KCNIP4: variants seen among roughly 807,000 people sequenced by gnomAD.
KCNIP4 encodes the protein potassium voltage-gated channel interacting protein 4.
In KCNIP4, 12 loss-of-function variants were observed where a neutral mutation model predicts 34.0. That is an observed-to-expected ratio of 0.35 (90% CI 0.23 to 0.57). KCNIP4 has a LOEUF of 0.57. Ranked by LOEUF, KCNIP4 falls within the 20% of genes least tolerant of loss-of-function variation. The pLI is 0.83. For missense variants in KCNIP4, 238 were observed against 311.7 expected (o/e 0.76, Z 1.78); for synonymous variants, 124 against 102.2 (o/e 1.21, Z -1.29).
rs543106633 is a variant in KCNIP4, at chr4:21,187,863, C to T, written c.62-305154G>A. On this transcript the variant is annotated intron_variant, in intron 1 of 8. Coordinates refer to ENST00000382152, the MANE Select transcript of KCNIP4 (RefSeq NM_025221.6). ...CAGGCTGGCTCGAAATTAGCATAGGCTCTGTAGCCCAACGGCCCCAGGGCT... is the reference window on the plus strand; with the variant it reads ...CAGGCTGGCTCGAAATTAGCATAGGTTCTGTAGCCCAACGGCCCCAGGGCT... 2.0e-5 allele frequency among the ~76,000 whole-genome samples: 3 copies of T among 152,320 alleles called. No individual in the cohort carries two copies. The South Asian group carries it at 6.2e-4, about 32-fold the overall frequency.
At chr4:20,975,038 TACG>T (rs956448152) in intron 1 of KCNIP4, among the ~76,000 whole-genome samples, 1 of 152,206 alleles carries the variant, frequency 6.6e-6, no homozygotes, top group African/African-American at 2.4e-5. Context: ...ATGAGGTAGC[TACG>T]ACTAGTACTC....
chr4:21,599,454 T>C (rs1408585306), intron 1 of KCNIP4, among the ~76,000 whole-genome samples: 1 of 102,744 alleles, frequency 9.7e-6, no homozygotes. Context: ...GTAACAAAAA[T>C]AAGAAAGAAA....
At chr4:20,997,717 G>A (rs1036257922) in intron 1 of KCNIP4, among the ~76,000 whole-genome samples, 2 of 152,112 alleles carry the variant, frequency 1.3e-5, no homozygotes, top group African/African-American at 4.8e-5. Context: ...AAACATCAAC[G>A]AGGAAGATTC....
intron 1 of KCNIP4, among the ~76,000 whole-genome samples, chr4:21,439,085 C>T (rs1727214069): frequency 6.6e-6 from 1 of 150,640 alleles, no homozygotes; most frequent in Non-Finnish European, 1.5e-5. Context: ...TGGCGTGAAC[C>T]TGGGAGGCGG....
Position 21,671,139 on chromosome 4 carries a change from T to C in KCNIP4, c.61+277432A>G, listed in dbSNP as rs568324694. ...AAGTGTTCAGCCGACTTTGATTTTATTTTTATCGCATGCCTCATAAAACTG... is the reference window on the plus strand; with the variant it reads ...AAGTGTTCAGCCGACTTTGATTTTACTTTTATCGCATGCCTCATAAAACTG... On this transcript the variant is annotated intron_variant, in intron 1 of 8. Coordinates refer to ENST00000382152, the MANE Select transcript of KCNIP4 (RefSeq NM_025221.6). 1.6e-4 allele frequency among the ~76,000 whole-genome samples: 25 copies of C among 152,236 alleles called. 1 individual carries two copies. The South Asian group carries it at 3.1e-3, about 19-fold the overall frequency.
At chr4:21,128,740 T>A (rs1341129175) in intron 1 of KCNIP4, among the ~76,000 whole-genome samples, 4 of 152,244 alleles carry the variant, frequency 2.6e-5, no homozygotes, top group African/African-American at 9.6e-5. Flanking sequence ...TTGGCTTACG[T>A]TATTATCAGT....
intron 1 of KCNIP4, among the ~76,000 whole-genome samples, chr4:21,015,591 TA>T (rs1739437595): frequency 2.3e-5 from 3 of 129,142 alleles, no homozygotes; most frequent in Non-Finnish European, 4.6e-5. Flanking sequence ...TAATATAATA[TA>T]GTATATTGTA....
intron 1 of KCNIP4, among the ~76,000 whole-genome samples, chr4:21,242,903 TGTGTGTGTGTG>T: frequency 6.6e-6 from 1 of 151,644 alleles, no homozygotes; most frequent in African/African-American, 2.4e-5. Flanking sequence ...TGTGTGTGTG[TGTGTGTGTGTG>T]TGTATTGCTT....
intron 1 of KCNIP4, among the ~76,000 whole-genome samples, chr4:20,995,219 A>G (rs1737438536): frequency 6.6e-6 from 1 of 151,838 alleles, no homozygotes; most frequent in African/African-American, 2.4e-5. Context: ...CCAATTTTAG[A>G]TTTTTTTTCT....
chr4:20,930,217 TTAAC>T (rs1179072307), intron 1 of KCNIP4, among the ~76,000 whole-genome samples: 1 of 151,930 alleles, frequency 6.6e-6, no homozygotes, highest in East Asian at 1.9e-4. Context: ...AGCCAGAAAC[TTAAC>T]TAATTTTCAA....
chr4:20,999,238 G>A lies in KCNIP4; in HGVS notation c.62-116529C>T, dbSNP rs565176814. Among the ~76,000 whole-genome samples, 17 of 152,208 alleles carry A rather than the reference G, an allele frequency of 1.1e-4. No individual in the cohort carries two copies. The South Asian group carries it at 3.1e-3, about 28-fold the overall frequency. On this transcript the variant is annotated intron_variant, in intron 1 of 8. Transcript: ENST00000382152. The stretch of plus-strand genomic sequence containing the variant: ...TAGAGGGAGATCATACTTCATCTTA[G>A]ACATAGGCAAGAGCTCAGTTTCCTG...
At chr4:20,930,693 G>A (rs1730368039) in intron 1 of KCNIP4, among the ~76,000 whole-genome samples, 1 of 151,964 alleles carries the variant, frequency 6.6e-6, no homozygotes, top group Admixed American at 6.6e-5. Context: ...ATTAAAAACA[G>A]GCAAGGGACC....
intron 5 of KCNIP4, among the ~76,000 whole-genome samples, chr4:20,748,220 G>C (rs980687437): frequency 6.6e-6 from 1 of 151,902 alleles, no homozygotes; most frequent in African/African-American, 2.4e-5. Context: ...CCCAACCTTC[G>C]CTCTTGGCTC....
intron 1 of KCNIP4, among the ~76,000 whole-genome samples, chr4:21,311,154 G>A (rs925376020): frequency 1.3e-5 from 2 of 152,072 alleles, no homozygotes; most frequent in African/African-American, 4.8e-5. Flanking sequence ...GTTATTTATT[G>A]AGCTCTTGCT....
chr4:21,266,179 A>G (rs1761796212), intron 1 of KCNIP4, among the ~76,000 whole-genome samples: 1 of 152,226 alleles, frequency 6.6e-6, no homozygotes, highest in African/African-American at 2.4e-5. Flanking sequence ...CTGTGGTATC[A>G]GTTCTCACTG....
chr4:21,643,870 T>TGATAGATA (rs5856654), intron 1 of KCNIP4, among the ~76,000 whole-genome samples: 9,700 of 107,658 alleles, frequency 0.09, 376 homozygotes, highest in East Asian at 0.13. Flanking sequence ...ATGATGATGA[T>TGATAGATA]GATAGATAGA....
rs1553945840 is a variant in KCNIP4 at position 21,147,956 on chromosome 4, A to AG, written c.62-265248_62-265247insC. ...CTCCGTCTCAAAAAAAAAAAAAAAA[A>AG]AAAAGAAAAAAAGTTCAAGTACTTT... On this transcript the variant is annotated intron_variant, in intron 1 of 8. Transcript: ENST00000382152. Among the ~76,000 whole-genome samples, 63 of 128,442 alleles carry AG rather than the reference A, an allele frequency of 4.9e-4. 2 individuals are homozygous for AG. Among genetic ancestry groups the AG allele is most frequent in the African/African-American group, 1.3e-3 (42 of 32,530 alleles). 84.3% of individuals were successfully genotyped at this position (128,442 alleles called of 152,430 possible). A position where few individuals can be genotyped will look rare whatever the true frequency, so the allele number is the denominator to read the frequency against.
chr4:20,914,918 C>A (rs2149575811), intron 1 of KCNIP4, among the ~76,000 whole-genome samples: 1 of 152,294 alleles, frequency 6.6e-6, no homozygotes, highest in African/African-American at 2.4e-5. Flanking sequence ...GCACTAGGGT[C>A]TTTGGAAATT....
chr4:21,303,662 C>A, intron 1 of KCNIP4: 1 of 573,822 alleles, frequency 1.7e-6, no homozygotes, highest in South Asian at 2.8e-5. Flanking sequence ...ATTAATCTTT[C>A]CTACCCTGAA....
Sources: gnomAD v4.1 joint callset for allele counts (sites outside exome capture counted in the v4.1 genomes callset) on GRCh38, gnomAD v4.1.1 for gene constraint, MANE v1.5 for transcripts, NCBI Gene and HGNC (gene_info 2026-07-23, HGNC 2026-07-21) for gene names.